The following SCNN1G variants were observed in gnomAD, a reference collection of about 807,000 sequenced individuals.
SCNN1G encodes sodium channel epithelial 1 subunit gamma, also known as epithelial sodium channel subunit gamma.
SCNN1G carries 27 observed loss-of-function variants against 64.6 expected under a neutral mutation model. That is an observed-to-expected ratio of 0.42 (90% CI 0.31 to 0.58). The LOEUF is 0.58. Among genes scored for constraint, SCNN1G ranks in the 20% least tolerant of loss-of-function variants. The pLI is 0.18. For synonymous variants in SCNN1G, 330 were observed against 314.2 expected (o/e 1.05, Z -0.53); for missense variants, 743 against 823.4 (o/e 0.90, Z 1.19).
At chr16:23,199,025 ATT>A (rs57688091) in intron 6 of SCNN1G, among the ~76,000 whole-genome samples, 1 of 150,016 alleles carries the variant, frequency 6.7e-6, no homozygotes, top group African/African-American at 2.4e-5. Flanking sequence ...CCCTGCCTCT[ATT>A]TTTTTTTTAA....
chr16:23,214,942 A>G, intron 12 of SCNN1G, 147 bp from the exon 13 acceptor site: 1 of 1,132,990 alleles, frequency 8.8e-7, no homozygotes, highest in Non-Finnish European at 1.3e-6. Flanking sequence ...GCACAGAGTA[A>G]GAGGAAACAG....
At chr16:23,211,027 G>GAACCCTGTCTTTAAAAATTTTAAAGA (rs1960070564) in intron 7 of SCNN1G, among the ~76,000 whole-genome samples, 1 of 148,174 alleles carries the variant, frequency 6.7e-6, no homozygotes, top group Admixed American at 6.7e-5. Flanking sequence ...GAGAGAACAA[G>GAACCCTGTCTTTAAAAATTTTAAAGA]ACCCTGTCTT....
chr16:23,213,268 T>C, intron 11 of SCNN1G, 105 bp downstream of exon 11: 1 of 808,654 alleles, frequency 1.2e-6, no homozygotes, highest in Non-Finnish European at 2.1e-6. Context: ...TTTTTTTTTT[T>C]TTTTTATGGA....
intron 6 of SCNN1G, among the ~76,000 whole-genome samples, chr16:23,204,318 T>TAC (rs1959948258): frequency 7.3e-5 from 6 of 82,686 alleles, no homozygotes; most frequent in African/African-American, 2.7e-4. Flanking sequence ...TATATATATA[T>TAC]ATATATATAT....
At chr16:23,200,798 T>C (rs1158576100) in intron 6 of SCNN1G, among the ~76,000 whole-genome samples, 1 of 152,206 alleles carries the variant, frequency 6.6e-6, no homozygotes, top group Non-Finnish European at 1.5e-5. Flanking sequence ...AGGAAGGCTT[T>C]CCTGAGGAGG....
rs771028171 is a variant in SCNN1G at position 23,197,367 on chromosome 16, C to T, written c.1017C>T (p.Phe339=). 7.4e-6 allele frequency: 12 copies of T among 1,613,866 alleles called. No homozygotes were observed. The highest frequency in any genetic ancestry group is 2.2e-5 in the East Asian group (1 of 44,890). The change falls in exon 6 of 13, where the codon TTC becomes TTT. Residue 339 remains phenylalanine, a synonymous_variant. Transcript: ENST00000300061. The stretch of plus-strand genomic sequence containing the variant: ...TCCATCGGCAGGATGAGTATCCCTT[C>T]GTCGAAGATGTGGGAACAGAGATTG... ...VIIHRQDEYP[F]VEDVGTEIET... is the part of the protein sequence containing the mutation.
At chr16:23,184,552 T>C (rs150953742) in intron 1 of SCNN1G, among the ~76,000 whole-genome samples, 18 of 152,302 alleles carry the variant, frequency 1.2e-4, no homozygotes, top group African/African-American at 4.1e-4. Context: ...TTGATGGTGT[T>C]CTTCATCCCA....
intron 2 of SCNN1G, among the ~76,000 whole-genome samples, chr16:23,187,106 C>CTTTTTTT (rs991130957): frequency 8.5e-6 from 1 of 117,926 alleles, no homozygotes; most frequent in Non-Finnish European, 1.7e-5. Flanking sequence ...CTGGCCTTTT[C>CTTTTTTT]TTTTTTTTTT....
intron 5 of SCNN1G, chr16:23,194,785 G>GGACTTAAGATACA (rs1199192290): frequency 1.1e-5 from 2 of 180,682 alleles, no homozygotes; most frequent in Non-Finnish European, 2.4e-5. Context: ...ATTACTGACA[G>GGACTTAAGATACA]GACTTAAGAT....
chr16:23,192,666 C>A, intron 4 of SCNN1G, 124 bp downstream of exon 4: 2 of 782,656 alleles, frequency 2.6e-6, no homozygotes, highest in African/African-American at 1.7e-5. Flanking sequence ...CTCACTGATG[C>A]TGCCTTTTGG....
chr16:23,213,252 CTTTTTTTTT>C, intron 11 of SCNN1G, 89 bp downstream of exon 11: 1 of 533,854 alleles, frequency 1.9e-6, no homozygotes, highest in Non-Finnish European at 3.3e-6. Flanking sequence ...GCCAAATCCT[CTTTTTTTTT>C]TTTTTTTTTT....
intron 10 of SCNN1G, 74 bp from the exon 11 acceptor site, chr16:23,213,028 G>A (rs1016330504): frequency 1.3e-6 from 2 of 1,531,808 alleles, no homozygotes; most frequent in African/African-American, 1.4e-5. Context: ...GGGACAAGTT[G>A]GGGAGCCTGA....
Position 23,197,140 on chromosome 16 carries a change from A to T in SCNN1G, c.914-124A>T, listed in dbSNP as rs898416932. ...GGAGCTTCCAGTCTAGCCCTCGTCC[A>T]CCTGTCACTTGCTAGAAATACCTGG... On this transcript the variant is annotated intron_variant, in intron 5 of 12. Transcript: ENST00000300061. 3.8e-5 allele frequency: 30 copies of T among 784,602 alleles called. No individual in the cohort carries two copies. The African/African-American group carries it at 4.9e-4, about 13-fold the overall frequency. 48.6% of individuals were successfully genotyped at this position (784,602 alleles called of 1,614,324 possible).
chr16:23,205,574 C>T (rs1959976028), intron 6 of SCNN1G, among the ~76,000 whole-genome samples: 3 of 152,050 alleles, frequency 2.0e-5, no homozygotes, highest in Admixed American at 2.0e-4. Context: ...GAGGCACACA[C>T]CTATAATCCC....
rs992344302 is a variant in SCNN1G, at chr16:23,208,633, C to T, written c.1078-1117C>T. 3.4e-5 allele frequency among the ~76,000 whole-genome samples: 5 copies of T among 148,408 alleles called. No homozygotes were observed. In the East Asian group the frequency reaches 8.1e-4, roughly 24 times the overall value. On this transcript the variant is annotated intron_variant, in intron 6 of 12. Coordinates refer to ENST00000300061, the MANE Select transcript of SCNN1G (RefSeq NM_001039.4). ...CTCCCCTCCCCTCCCCTTCCCTTCC[C>T]GCCCTTCCTTCCTTTCTCTCTCTCT... is the stretch of plus-strand genomic sequence containing the variant.
intron 6 of SCNN1G, among the ~76,000 whole-genome samples, chr16:23,206,559 G>A (rs1445846159): frequency 1.3e-5 from 2 of 152,166 alleles, no homozygotes; most frequent in Admixed American, 6.5e-5. Context: ...AGGCTGCCAT[G>A]AGCCATGATT....
intron 6 of SCNN1G, among the ~76,000 whole-genome samples, chr16:23,205,277 C>T (rs888925674): frequency 2.6e-5 from 4 of 152,058 alleles, no homozygotes; most frequent in South Asian, 2.1e-4. Flanking sequence ...TAATACGGTC[C>T]GTTGAGAAAA....
At chr16:23,211,121 T>C (rs1007082150) in intron 7 of SCNN1G, among the ~76,000 whole-genome samples, 1 of 152,218 alleles carries the variant, frequency 6.6e-6, no homozygotes, top group Non-Finnish European at 1.5e-5. Flanking sequence ...ACACCTTACA[T>C]GTATCAATTC....
intron 3 of SCNN1G, among the ~76,000 whole-genome samples, chr16:23,190,539 G>A (rs1959690341): frequency 6.6e-6 from 1 of 152,184 alleles, no homozygotes; most frequent in Admixed American, 6.5e-5. Context: ...TTCAGTTTTT[G>A]TTGGTGTTGT....
Sources: gnomAD v4.1 joint callset for allele counts (sites outside exome capture counted in the v4.1 genomes callset) on GRCh38, gnomAD v4.1.1 for gene constraint, MANE v1.5 for transcripts, NCBI Gene and HGNC (gene_info 2026-07-23, HGNC 2026-07-21) for gene names.